The following ACVR2A variants were observed in gnomAD, a reference collection of about 807,000 sequenced individuals.
The protein encoded by ACVR2A is activin receptor type-2A.
ACVR2A carries 7 observed loss-of-function variants against 61.4 expected under a neutral mutation model. That is an observed-to-expected ratio of 0.11 (90% CI 0.06 to 0.21). The LOEUF (loss-of-function observed/expected upper bound fraction) is 0.21. Among genes scored for constraint, ACVR2A ranks in the 10% least tolerant of loss-of-function variants. The probability of loss-of-function intolerance (pLI) is 1.00; values close to 1 mark genes in which losing one functional copy is unlikely to be tolerated. For synonymous variants in ACVR2A, 193 were observed against 208.3 expected (o/e 0.93, Z 0.63); for missense variants, 322 against 621.7 (o/e 0.52, Z 5.13).
rs1371803504 is a variant in ACVR2A, at chr2:147,929,102, G to A, written c.*1828G>A. 3 of 152,392 alleles carry A rather than the reference G, an allele frequency of 2.0e-5. No homozygotes were observed. The highest frequency in any genetic ancestry group is 7.2e-5 in the African/African-American group (3 of 41,406). The allele number at this position is 152,392 out of a possible 1,614,324, so 9.4% of individuals were successfully genotyped here. A position where few individuals can be genotyped will look rare whatever the true frequency, so the allele number is the denominator to read the frequency against. On this transcript the variant is annotated 3_prime_UTR_variant, in exon 11 of 11. Transcript: ENST00000241416. ...AACAGACTTTAAGCAGGGAGGAAAA[G>A]AAGAGTAATAGCGTCTGTGTGCTGC...
At chr2:147,891,686 G>A (rs1686586342) in intron 1 of ACVR2A, among the ~76,000 whole-genome samples, 1 of 152,144 alleles carries the variant, frequency 6.6e-6, no homozygotes, top group African/African-American at 2.4e-5. Context: ...TTCATGTATT[G>A]TCTATGGATG....
intron 4 of ACVR2A, among the ~76,000 whole-genome samples, chr2:147,901,030 AT>A (rs1367282972): frequency 6.6e-6 from 1 of 152,082 alleles, no homozygotes; most frequent in Non-Finnish European, 1.5e-5. Context: ...ATGTTCGGTA[AT>A]TAGGTAAACA....
rs1685862757 is a variant in ACVR2A at position 147,866,644 on chromosome 2, G to A, written c.55+21437G>A. ...AGTCTGCAGAGGTGGGTAGGGGTCAGGTTATGAGGGGCTGGATTTGCTAGC... is the reference window on the plus strand; with the variant it reads ...AGTCTGCAGAGGTGGGTAGGGGTCAAGTTATGAGGGGCTGGATTTGCTAGC... On this transcript the variant is annotated intron_variant, in intron 1 of 10. Transcript: ENST00000241416. 2.6e-5 allele frequency among the ~76,000 whole-genome samples: 4 copies of A among 152,300 alleles called. No homozygotes were observed. The South Asian group carries it at 8.3e-4, about 32-fold the overall frequency.
chr2:147,912,076 T>G (rs1335555386), intron 4 of ACVR2A, among the ~76,000 whole-genome samples: 1 of 152,004 alleles, frequency 6.6e-6, no homozygotes, highest in African/African-American at 2.4e-5. Context: ...AGCGTTTAAT[T>G]AGATTAAAAT....
chr2:147,878,516 C>G (rs996123001), intron 1 of ACVR2A, among the ~76,000 whole-genome samples: 1 of 151,750 alleles, frequency 6.6e-6, no homozygotes, highest in African/African-American at 2.4e-5. Context: ...TTTAGAATGT[C>G]TATCTGAAAT....
chr2:147,855,997 G>T (rs1364330661), intron 1 of ACVR2A, among the ~76,000 whole-genome samples: 1 of 152,106 alleles, frequency 6.6e-6, no homozygotes, highest in Non-Finnish European at 1.5e-5. Flanking sequence ...TAGAAACTCA[G>T]TGTATTTTAT....
At chr2:147,890,793 A>G (rs79087182) in intron 1 of ACVR2A, among the ~76,000 whole-genome samples, 513 of 152,226 alleles carry the variant, frequency 3.4e-3, no homozygotes, top group East Asian at 8.1e-3. Context: ...ATAAAAATAC[A>G]TATAATTTAC....
At chr2:147,847,463 A>G (rs193101177) in intron 1 of ACVR2A, among the ~76,000 whole-genome samples, 2 of 152,312 alleles carry the variant, frequency 1.3e-5, no homozygotes, top group African/African-American at 4.8e-5. Flanking sequence ...GAGAATTTTA[A>G]AAATTCTCAG....
intron 4 of ACVR2A, chr2:147,903,058 G>A (rs1686908064): frequency 6.6e-6 from 1 of 151,852 alleles, no homozygotes; most frequent in Admixed American, 6.6e-5. Context: ...AGTTAGGTGA[G>A]GGATTCTTTA....
chr2:147,920,470 C>T (rs927739832), intron 8 of ACVR2A, 126 bp downstream of exon 8: 9 of 710,690 alleles, frequency 1.3e-5, no homozygotes, highest in Non-Finnish European at 2.1e-5. Flanking sequence ...ATAGAGTTAT[C>T]AAAGTTTCTG....
intron 1 of ACVR2A, among the ~76,000 whole-genome samples, chr2:147,891,683 A>G (rs1039727394): frequency 6.6e-6 from 1 of 152,180 alleles, no homozygotes. Flanking sequence ...TCATTCATGT[A>G]TTGTCTATGG....
At chr2:147,868,873 T>C (rs1383779868) in intron 1 of ACVR2A, among the ~76,000 whole-genome samples, 1 of 152,088 alleles carries the variant, frequency 6.6e-6, no homozygotes, top group Non-Finnish European at 1.5e-5. Flanking sequence ...GCTCAAGCAG[T>C]TCTCCTGTCT....
At chr2:147,920,604 C>T (rs754875602) in intron 8 of ACVR2A, among the ~76,000 whole-genome samples, 1 of 152,112 alleles carries the variant, frequency 6.6e-6, no homozygotes, top group Non-Finnish European at 1.5e-5. Flanking sequence ...TAATCCACCA[C>T]CTTTTAACAG....
At chr2:147,897,484 A>T (rs775519882) in intron 2 of ACVR2A, among the ~76,000 whole-genome samples, 28 of 152,110 alleles carry the variant, frequency 1.8e-4, no homozygotes, top group Non-Finnish European at 3.1e-4. Context: ...TGATCCCTTA[A>T]CTGCCTGGGC....
At chr2:147,861,129 A>C (rs1459662052) in intron 1 of ACVR2A, among the ~76,000 whole-genome samples, 1 of 152,216 alleles carries the variant, frequency 6.6e-6, no homozygotes, top group Non-Finnish European at 1.5e-5. Context: ...GTAGCATTCT[A>C]AATAACTAAA....
intron 1 of ACVR2A, among the ~76,000 whole-genome samples, chr2:147,846,592 A>G (rs900344623): frequency 2.0e-5 from 3 of 152,212 alleles, no homozygotes; most frequent in Non-Finnish European, 4.4e-5. Flanking sequence ...GAGATTAACC[A>G]AAAGAATCAT....
intron 1 of ACVR2A, among the ~76,000 whole-genome samples, chr2:147,895,942 A>G (rs1180982773): frequency 1.3e-5 from 2 of 152,144 alleles, no homozygotes; most frequent in Admixed American, 6.6e-5. Context: ...TGTAGTCACT[A>G]TGCAGCAGAG....
chr2:147,899,218 A>G (rs1322799663), intron 2 of ACVR2A, among the ~76,000 whole-genome samples: 1 of 152,100 alleles, frequency 6.6e-6, no homozygotes, highest in African/African-American at 2.4e-5. Flanking sequence ...AAATTACAGC[A>G]ATAGTCTCTA....
intron 1 of ACVR2A, among the ~76,000 whole-genome samples, chr2:147,882,639 C>T (rs1686333713): frequency 6.6e-6 from 1 of 152,146 alleles, no homozygotes; most frequent in African/African-American, 2.4e-5. Context: ...CTTACACATG[C>T]CACATGCACA....
Sources: gnomAD v4.1 joint callset for allele counts (sites outside exome capture counted in the v4.1 genomes callset) on GRCh38, gnomAD v4.1.1 for gene constraint, MANE v1.5 for transcripts, NCBI Gene and HGNC (gene_info 2026-07-23, HGNC 2026-07-21) for gene names.